The following ARID1B variants were observed in gnomAD, a reference collection of about 807,000 sequenced individuals.
The protein encoded by ARID1B is AT-rich interactive domain-containing protein 1B.
A neutral mutation model predicts 212.3 loss-of-function variants in ARID1B; 30 were observed. That is an observed-to-expected ratio of 0.14 (90% CI 0.11 to 0.19). The LOEUF is 0.19. Ranked by LOEUF, ARID1B falls within the 10% of genes least tolerant of loss-of-function variation. The probability of loss-of-function intolerance (pLI) is 1.00; values close to 1 mark genes in which losing one functional copy is unlikely to be tolerated. For missense variants in ARID1B, 2,891 were observed against 3,204.0 expected, an observed-to-expected ratio of 0.90 and a Z score of 2.36; for synonymous variants, 1,402 against 1,301.7, an observed-to-expected ratio of 1.08 and a Z score of -1.66.
At chr6:157,076,077 G>A (rs1784285648) in intron 4 of ARID1B, among the ~76,000 whole-genome samples, 1 of 152,140 alleles carries the variant, frequency 6.6e-6, no homozygotes, top group South Asian at 2.1e-4. Context: ...TAGGGAAACC[G>A]GATGAAGGAT....
In ARID1B at chr6:156,951,478, C is replaced by T. The variant is rs1388486065; in HGVS notation, c.2247+15902C>T. On this transcript the variant is annotated intron_variant, in intron 4 of 19. Transcript: ENST00000636930. Reference sequence around the variant, plus strand: ...TTTTTTTTTGAAATGGAGTCTCGCTCTGTCATCCAGGCTGGAGTGCAGTGG... The same window carrying T: ...TTTTTTTTTGAAATGGAGTCTCGCTTTGTCATCCAGGCTGGAGTGCAGTGG... Among the ~76,000 whole-genome samples, 4 of 151,868 alleles carry T rather than the reference C, an allele frequency of 2.6e-5. No individual in the cohort carries two copies. The East Asian group carries it at 7.7e-4, about 29-fold the overall frequency.
intron 4 of ARID1B, among the ~76,000 whole-genome samples, chr6:156,967,037 C>T (rs9478743): frequency 0.19 from 28,858 of 151,966 alleles, 3,007 homozygotes; most frequent in East Asian, 0.39. Context: ...CTGGCTTTTT[C>T]TTTTAGTAAC....
chr6:156,823,905 ATAAAGTATATT>A (rs1384119485), intron 1 of ARID1B, among the ~76,000 whole-genome samples: 1 of 152,090 alleles, frequency 6.6e-6, no homozygotes, highest in Non-Finnish European at 1.5e-5. Context: ...TATAAAAAGG[ATAAAGTATATT>A]TAAAGTATAC....
chr6:157,112,236 CT>C (rs1786974757), intron 6 of ARID1B, among the ~76,000 whole-genome samples: 1 of 152,214 alleles, frequency 6.6e-6, no homozygotes. Context: ...CCAAATCATC[CT>C]TTTATCCCAT....
chr6:156,866,542 A>G lies in ARID1B; in HGVS notation c.1987-34834A>G, dbSNP rs79097199. Reference sequence around the variant, plus strand: ...TGGGTTTGTTTTATAAAAATAAACAAAAAGCAGGCAAGCAAAAAGCAAACA... The same window carrying G: ...TGGGTTTGTTTTATAAAAATAAACAGAAAGCAGGCAAGCAAAAAGCAAACA... On this transcript the variant is annotated intron_variant, in intron 2 of 19. Coordinates refer to ENST00000636930, the MANE Select transcript of ARID1B (RefSeq NM_001374828.1). 5.9e-3 allele frequency among the ~76,000 whole-genome samples: 902 copies of G among 152,332 alleles called. 13 individuals are homozygous for G. Among genetic ancestry groups the G allele is most frequent in the African/African-American group, 0.02 (842 of 41,566 alleles).
chr6:156,778,831 A>G lies in ARID1B; in HGVS notation c.1151A>G (p.Tyr384Cys), dbSNP rs1729393500. Residue 384 changes from tyrosine (Y) to cysteine (C), a missense_variant, in exon 1 of 20, where the codon TAC becomes TGC. Physicochemically the swap from Tyr to Cys is radical, Grantham distance 194. Transcript: ENST00000636930. ...AGCCAGTGCAACCATTATCCGGGCT[A>G]CAGCCGGCCCGGCGCGGGCGGCGGC... ...PNSQCNHYPG[Y>C]SRPGAGGGGG... 3 of 1,431,158 alleles carry G rather than the reference A, an allele frequency of 2.1e-6. No homozygotes were observed. The highest frequency in any genetic ancestry group is 2.8e-6 in the Non-Finnish European group (3 of 1,088,142). 88.7% of individuals were successfully genotyped at this position (1,431,158 alleles called of 1,614,324 possible).
intron 4 of ARID1B, among the ~76,000 whole-genome samples, chr6:156,999,647 G>T (rs1348565480): frequency 1.3e-5 from 2 of 152,192 alleles, no homozygotes; most frequent in Non-Finnish European, 2.9e-5. Context: ...TGTTGTCTGG[G>T]TACGTGAGCA....
intron 6 of ARID1B, among the ~76,000 whole-genome samples, chr6:157,125,062 G>A (rs183563109): frequency 6.6e-5 from 10 of 152,330 alleles, no homozygotes; most frequent in Admixed American, 3.9e-4. Flanking sequence ...CAGAATGGGA[G>A]CACCTGGTGA....
chr6:156,899,511 G>A (rs931845206), intron 2 of ARID1B, among the ~76,000 whole-genome samples: 5 of 152,114 alleles, frequency 3.3e-5, no homozygotes, highest in Admixed American at 2.0e-4. Context: ...GGTTTTAATC[G>A]TGAAGGAGCA....
intron 1 of ARID1B, among the ~76,000 whole-genome samples, chr6:156,795,003 A>G (rs1207202022): frequency 3.9e-5 from 6 of 152,226 alleles, no homozygotes; most frequent in Non-Finnish European, 7.3e-5. Flanking sequence ...TTCTGATCAC[A>G]TCACCAGACA....
In ARID1B at chr6:156,930,931, C is replaced by T. The variant is rs1045329922; in HGVS notation, c.2137-4535C>T. ...CTAGGCCAGGCAGAGTGGCTTATGC[C>T]TGTAATCCCAGCACTTTGGGAGGCC... On this transcript the variant is annotated intron_variant, in intron 3 of 19. Coordinates refer to ENST00000636930, the MANE Select transcript of ARID1B (RefSeq NM_001374828.1). Among the ~76,000 whole-genome samples the T allele has an allele frequency of 3.3e-5, 5 of 152,250 alleles. No homozygotes were observed. In the East Asian group the frequency reaches 7.7e-4, roughly 24 times the overall value.
intron 3 of ARID1B, among the ~76,000 whole-genome samples, chr6:156,906,101 G>T (rs539942044): frequency 1.3e-5 from 2 of 152,296 alleles, no homozygotes; most frequent in African/African-American, 4.8e-5. Context: ...GCTGTAGTAG[G>T]GTTGGGGTGT....
chr6:157,202,516 G>A (rs1165673475), intron 18 of ARID1B, among the ~76,000 whole-genome samples: 4 of 151,762 alleles, frequency 2.6e-5, no homozygotes, highest in African/African-American at 7.3e-5. Flanking sequence ...GCAAAACCTC[G>A]TCTCTACTAA....
chr6:156,948,776 C>A (rs1056984809), intron 4 of ARID1B, among the ~76,000 whole-genome samples: 1 of 152,318 alleles, frequency 6.6e-6, no homozygotes, highest in South Asian at 2.1e-4. Flanking sequence ...TCCCATAACA[C>A]ATTCAGGAAT....
chr6:157,197,138 G>C (rs1793785013), intron 16 of ARID1B, among the ~76,000 whole-genome samples: 1 of 152,214 alleles, frequency 6.6e-6, no homozygotes, highest in Admixed American at 6.5e-5. Flanking sequence ...CCTTCCCCTT[G>C]TTGGGTATGT....
At chr6:157,102,566 G>A (rs1786127331) in intron 5 of ARID1B, among the ~76,000 whole-genome samples, 1 of 134,632 alleles carries the variant, frequency 7.4e-6, no homozygotes, top group African/African-American at 2.8e-5. Context: ...ATACTCATCT[G>A]TATTGGCTTT....
intron 2 of ARID1B, among the ~76,000 whole-genome samples, chr6:156,852,048 C>T (rs1038746922): frequency 6.6e-6 from 1 of 151,994 alleles, no homozygotes; most frequent in African/African-American, 2.4e-5. Context: ...TATTCTTTAC[C>T]TCTCGCAAGA....
intron 4 of ARID1B, among the ~76,000 whole-genome samples, chr6:156,979,470 A>G (rs1777473306): frequency 1.3e-5 from 2 of 152,134 alleles, no homozygotes; most frequent in African/African-American, 4.8e-5. Context: ...GGAAATTACT[A>G]CTTGATCTAC....
At chr6:157,078,963 G>A (rs555472180) in intron 4 of ARID1B, among the ~76,000 whole-genome samples, 1 of 152,234 alleles carries the variant, frequency 6.6e-6, no homozygotes, top group South Asian at 2.1e-4. Flanking sequence ...AGTTTTTCTT[G>A]TGTTATCTCT....
Sources: allele counts gnomAD v4.1 joint callset (sites outside exome capture counted in the v4.1 genomes callset), GRCh38; gene constraint gnomAD v4.1.1; transcripts MANE v1.5; gene names NCBI Gene and HGNC (gene_info 2026-07-23, HGNC 2026-07-21).